The following KIFC1 variants were observed in gnomAD, a reference collection of about 807,000 sequenced individuals.
KIFC1 encodes the protein kinesin-like protein KIFC1.
KIFC1 carries 37 observed loss-of-function variants against 66.6 expected under a neutral mutation model. That is an observed-to-expected ratio of 0.56 (90% CI 0.43 to 0.73). KIFC1 has a LOEUF of 0.73. Ranked by LOEUF, KIFC1 falls within the 30% of genes least tolerant of loss-of-function variation. KIFC1 has a pLI of 0.00. For synonymous variants in KIFC1, 325 were observed against 343.5 expected (o/e 0.95, Z 0.60); for missense variants, 721 against 859.8 (o/e 0.84, Z 2.02).
At chr6:33,394,567 T>C (rs1774940411) in intron 1 of KIFC1, among the ~76,000 whole-genome samples, 2 of 152,270 alleles carry the variant, frequency 1.3e-5, no homozygotes, top group South Asian at 4.1e-4. Context: ...CTGCAACTTC[T>C]ACCTCCCAGC....
At position 33,405,772 on chromosome 6, in the gene KIFC1, T is replaced by C; in HGVS notation, c.1536+141T>C. 2.2e-6 allele frequency: 2 copies of C among 915,702 alleles called. No individual in the cohort carries two copies. The highest frequency in any genetic ancestry group is 3.1e-6 in the Non-Finnish European group (2 of 644,556). 56.7% of individuals were successfully genotyped at this position (915,702 alleles called of 1,614,324 possible). A position where few individuals can be genotyped will look rare whatever the true frequency, so the allele number is the denominator to read the frequency against. ...CAGGCTGGGTTACCACATCCGGTTT[T>C]GGCCTGTGGGCTGTCGGTAGATCTG... is the stretch of plus-strand genomic sequence containing the variant. On this transcript the variant is annotated intron_variant, in intron 7 of 10. Coordinates refer to ENST00000428849, the MANE Select transcript of KIFC1 (RefSeq NM_002263.4). The surrounding 1 kb of genome is among the most constrained non-coding windows in gnomAD (Gnocchi z 5.4).
At position 33,409,660 on chromosome 6, in the gene KIFC1, T is replaced by TA; in HGVS notation, c.1993dup (p.Ile665AsnfsTer62). ...CCTGCCCCCAGGTGAACCAGTGTGT[T>TA]ATTGGTACTGCTCAGGCCAACAGGA... is the stretch of plus-strand genomic sequence containing the variant. On this transcript the variant is annotated frameshift_variant, in exon 11 of 11. Coordinates refer to ENST00000428849, the MANE Select transcript of KIFC1 (RefSeq NM_002263.4). LOFTEE classifies it high-confidence loss of function. 2.5e-6 allele frequency: 4 copies of TA among 1,612,492 alleles called. No individual in the cohort carries two copies. The highest frequency in any genetic ancestry group is 3.4e-6 in the Non-Finnish European group (4 of 1,179,684).
chr6:33,399,301 T>C (rs1562830379), intron 3 of KIFC1, among the ~76,000 whole-genome samples: 1 of 152,098 alleles, frequency 6.6e-6, no homozygotes, highest in Admixed American at 6.6e-5. Flanking sequence ...GGCAGGAGAA[T>C]TGCTTAGAAC....
Position 33,403,706 on chromosome 6 carries a change from T to C in KIFC1, c.356-23T>C. 1.2e-6 allele frequency: 2 copies of C among 1,606,364 alleles called. No individual in the cohort carries two copies. Among genetic ancestry groups the C allele is most frequent in the East Asian group, 2.2e-5 (1 of 44,842 alleles). ...AGAGAGCCTAGACTTCACTGACCTT[T>C]GTCCTTTCTGTGTTCATCTTAGCAT... is the stretch of plus-strand genomic sequence containing the variant. On this transcript the variant is annotated intron_variant, in intron 5 of 10. Transcript: ENST00000428849. This position sits in a 1 kb window ranked among gnomAD's most constrained non-coding sequence, Gnocchi z 4.6.
rs752386404 is a variant in KIFC1 at position 33,398,053 on chromosome 6, G to T, written c.37G>T (p.Gly13Trp). ...GAGGTCCCCCCTATTGGAAGTAAAG[G>T]GGAACATAGAACTGAAGAGACCTCT... ...PQRSPLLEVK[G>W]NIELKRPLIK... Residue 13 changes from glycine to tryptophan, a missense_variant, in exon 2 of 11, where the codon GGG becomes TGG. Coordinates refer to ENST00000428849, the MANE Select transcript of KIFC1 (RefSeq NM_002263.4). 5.6e-6 allele frequency: 9 copies of T among 1,613,906 alleles called. No homozygotes were observed. Among genetic ancestry groups the T allele is most frequent in the Admixed American group, 1.7e-5 (1 of 59,978 alleles).
chr6:33,395,799 G>T (rs566592866), intron 1 of KIFC1, among the ~76,000 whole-genome samples: 3 of 152,076 alleles, frequency 2.0e-5, no homozygotes, highest in African/African-American at 7.2e-5. Context: ...AGAAAAATTT[G>T]GTTTCCATAC....
intron 1 of KIFC1, among the ~76,000 whole-genome samples, chr6:33,392,965 A>G (rs777161276): frequency 1.4e-4 from 21 of 152,216 alleles, no homozygotes; most frequent in Non-Finnish European, 2.5e-4. Flanking sequence ...CAGACAATAA[A>G]TGTAATAAAT....
intron 1 of KIFC1, among the ~76,000 whole-genome samples, chr6:33,397,414 C>A (rs921429454): frequency 1.3e-5 from 2 of 150,988 alleles, no homozygotes; most frequent in Admixed American, 6.6e-5. Context: ...TCTCCTGACT[C>A]AGCCTCCCGA....
intron 10 of KIFC1, 106 bp from the exon 11 acceptor site, chr6:33,409,540 C>T (rs1055167364): frequency 2.5e-5 from 28 of 1,129,914 alleles, no homozygotes; most frequent in African/African-American, 6.1e-5. Context: ...GGCCTTATTT[C>T]GGTATTTCTG....
rs755064945 is a variant in KIFC1 at position 33,404,829 on chromosome 6, A to G, written c.757-23A>G. On this transcript the variant is annotated intron_variant, in intron 6 of 10. Transcript: ENST00000428849. This position sits in a 1 kb window ranked among gnomAD's most constrained non-coding sequence, Gnocchi z 4.0. ...CTTGGTTGCATCTTACCCTCTGTGT[A>G]TGTTGTGTTCTCTTCTGGGCAGAGG... 15 of 1,576,908 alleles carry G rather than the reference A, an allele frequency of 9.5e-6. No homozygotes were observed. In the East Asian group the frequency reaches 2.7e-4, roughly 28 times the overall value.
intron 1 of KIFC1, among the ~76,000 whole-genome samples, chr6:33,396,436 CTTTT>C (rs199749552): frequency 4.3e-5 from 5 of 116,252 alleles, no homozygotes; most frequent in African/African-American, 1.0e-4. Flanking sequence ...CTTTTCTTTT[CTTTT>C]TTTTTTTTTT....
At chr6:33,398,412 C>T (rs1454161128) in intron 3 of KIFC1, 25 bp downstream of exon 3, 1 of 1,510,716 alleles carries the variant, frequency 6.6e-7, no homozygotes, top group East Asian at 2.3e-5. Flanking sequence ...TGGATAGACT[C>T]CAAGGACATG....
intron 10 of KIFC1, among the ~76,000 whole-genome samples, chr6:33,407,279 C>T (rs1775712478): frequency 6.6e-6 from 1 of 152,116 alleles, no homozygotes; most frequent in Non-Finnish European, 1.5e-5. Context: ...TGTAATGGCT[C>T]ACACCTGTAG....
At chr6:33,394,489 A>AT (rs201128468) in intron 1 of KIFC1, among the ~76,000 whole-genome samples, 3,613 of 151,930 alleles carry the variant, frequency 0.024, 62 homozygotes, top group Middle Eastern at 0.065. Context: ...CCAAATGGAG[A>AT]TTTTTTTTGA....
chr6:33,406,627 C>G lies in KIFC1; in HGVS notation c.1863C>G (p.Thr621=). The change falls in exon 9 of 11, where the codon ACC becomes ACG. Residue 621 remains threonine, a synonymous_variant. Transcript: ENST00000428849. The surrounding 1 kb of genome is among the most constrained non-coding windows in gnomAD (Gnocchi z 4.5). ...SHVPYRNSKL[T]YLLQNSLGGS... Reference sequence around the variant, plus strand: ...TGCCTTACCGGAACAGCAAACTGACCTACCTGCTGCAGAACTCTCTGGGTG... The same window carrying G: ...TGCCTTACCGGAACAGCAAACTGACGTACCTGCTGCAGAACTCTCTGGGTG... The G allele has an allele frequency of 5.0e-6, 8 of 1,614,108 alleles. No individual in the cohort carries two copies. The highest frequency in any genetic ancestry group is 6.8e-6 in the Non-Finnish European group (8 of 1,180,022).
rs1483793913 is a variant in KIFC1 at position 33,398,010 on chromosome 6, G to A, written c.13-19G>A. ...TTTGGGCTCCTGGGTATTGTCTTAAGGGTCTCTTTTCCCAACAGAGGTCCC... is the reference window on the plus strand; with the variant it reads ...TTTGGGCTCCTGGGTATTGTCTTAAAGGTCTCTTTTCCCAACAGAGGTCCC... On this transcript the variant is annotated intron_variant, in intron 1 of 10. Coordinates refer to ENST00000428849, the MANE Select transcript of KIFC1 (RefSeq NM_002263.4). The A allele has an allele frequency of 2.5e-6, 4 of 1,613,676 alleles. No individual in the cohort carries two copies. The highest frequency in any genetic ancestry group is 3.4e-6 in the Non-Finnish European group (4 of 1,179,856).
intron 1 of KIFC1, among the ~76,000 whole-genome samples, chr6:33,393,686 T>A (rs756112881): frequency 3.3e-5 from 5 of 151,632 alleles, no homozygotes; most frequent in Admixed American, 6.6e-5. Context: ...GCTCAAGCAA[T>A]TCGCCTGCCT....
chr6:33,402,128 T>C (rs1775404507), intron 3 of KIFC1, among the ~76,000 whole-genome samples: 2 of 152,208 alleles, frequency 1.3e-5, no homozygotes, highest in African/African-American at 4.8e-5. Context: ...ACTAGTAACA[T>C]AGTCATTATC....
intron 10 of KIFC1, among the ~76,000 whole-genome samples, chr6:33,408,475 T>C (rs1284902127): frequency 1.3e-5 from 2 of 152,252 alleles, no homozygotes; most frequent in African/African-American, 4.8e-5. Flanking sequence ...TGGATCTTTA[T>C]TTCATTAAGG....
Sources: gnomAD v4.1 joint callset for allele counts (sites outside exome capture counted in the v4.1 genomes callset) on GRCh38, gnomAD v4.1.1 for gene constraint, Gnocchi (gnomAD v3.1) non-coding constraint, MANE v1.5 for transcripts, NCBI Gene and HGNC (gene_info 2026-07-23, HGNC 2026-07-21) for gene names.